Variants in P4HA3 observed in about 807,000 individuals in gnomAD.
P4HA3 encodes prolyl 4-hydroxylase subunit alpha-3.
Under a neutral mutation model 66.7 loss-of-function variants are expected in P4HA3, and 60 were observed. That is an observed-to-expected ratio of 0.90 (90% CI 0.73 to 1.12). P4HA3 has a LOEUF of 1.12. Among genes scored for constraint, P4HA3 ranks in the 50% most tolerant of loss-of-function variants. P4HA3 has a pLI of 0.00. For synonymous variants in P4HA3, 263 were observed against 274.6 expected (o/e 0.96, Z 0.42); for missense variants, 683 against 685.8 (o/e 1.00, Z 0.05).
intron 10 of P4HA3, among the ~76,000 whole-genome samples, chr11:74,272,379 C>T (rs1176381262): frequency 2.6e-5 from 4 of 152,170 alleles, no homozygotes; most frequent in Non-Finnish European, 4.4e-5. Context: ...GCCCTAGATG[C>T]CCTGTTTTTT....
chr11:74,298,184 A>C, intron 4 of P4HA3, 28 bp downstream of exon 4: 1 of 1,606,248 alleles, frequency 6.2e-7, no homozygotes, highest in Non-Finnish European at 8.5e-7. Flanking sequence ...AGTATAATAA[A>C]AGCAGTGAGC....
At position 74,268,213 on chromosome 11, in the gene P4HA3, T is replaced by C. The variant is rs773698582; in HGVS notation, c.1496A>G (p.His499Arg). ...GTCACTGTCCCCTTCACCACTCCTG[T>C]GCAGGTTCCACCAAAACAGTGCTGC... is the stretch of plus-strand genomic sequence containing the variant. ...RNAALFWWNL[H>R]RSGEGDSDTL... The change falls in exon 12 of 13, where the codon CAC (histidine) becomes CGC (arginine). Residue 499 changes from histidine to arginine, a missense_variant. His to Arg is a conservative substitution (Grantham distance 29, BLOSUM62 0). Transcript: ENST00000331597. The C allele has an allele frequency of 6.2e-7, 1 of 1,614,008 alleles. No individual in the cohort carries two copies. The highest frequency in any genetic ancestry group is 1.1e-5 in the South Asian group (1 of 91,048).
At chr11:74,298,448 G>A (rs748652280) in intron 3 of P4HA3, 87 bp from the exon 4 acceptor site, 1 of 1,452,406 alleles carries the variant, frequency 6.9e-7, no homozygotes, top group Non-Finnish European at 9.3e-7. Flanking sequence ...AGGGACTTTG[G>A]AATCCAAGAA....
intron 15 of P4HA3, chr11:74,251,061 A>G: frequency 6.4e-7 from 1 of 1,559,112 alleles, no homozygotes; most frequent in South Asian, 1.2e-5. Context: ...AACTGTGAGA[A>G]TAACCCTGGA....
intron 9 of P4HA3, among the ~76,000 whole-genome samples, chr11:74,274,951 T>A (rs187519064): frequency 1.1e-4 from 17 of 152,312 alleles, no homozygotes; most frequent in African/African-American, 4.1e-4. Context: ...CATCTTTCCA[T>A]ATGTTTCTTA....
intron 4 of P4HA3, among the ~76,000 whole-genome samples, chr11:74,296,885 A>G (rs1861230210): frequency 6.6e-6 from 1 of 150,542 alleles, no homozygotes; most frequent in Admixed American, 6.6e-5. Context: ...ACAGCAATTT[A>G]GCAGGAGAGT....
chr11:74,253,709 C>T (rs1859763005), intron 15 of P4HA3: 5 of 639,544 alleles, frequency 7.8e-6, no homozygotes, highest in South Asian at 7.5e-5. Flanking sequence ...TGACCAACAT[C>T]GGCTTCCCCA....
chr11:74,285,798 A>G lies in P4HA3; in HGVS notation c.1110+11T>C. The G allele has an allele frequency of 6.2e-7, 1 of 1,612,054 alleles. No homozygotes were observed. The highest frequency in any genetic ancestry group is 8.5e-7 in the Non-Finnish European group (1 of 1,178,876). ...AAAGAGAAATTCTTGGCGGGTTCTCAGGACACTCACCCATGGTTCTGCAAG... is the reference window on the plus strand; with the variant it reads ...AAAGAGAAATTCTTGGCGGGTTCTCGGGACACTCACCCATGGTTCTGCAAG... On this transcript the variant is annotated intron_variant, in intron 7 of 12. Coordinates refer to ENST00000331597, the MANE Select transcript of P4HA3 (RefSeq NM_182904.5).
chr11:74,288,948 CAAAAAA>C, intron 5 of P4HA3, 125 bp downstream of exon 5: 6 of 360,866 alleles, frequency 1.7e-5, no homozygotes, highest in African/African-American at 3.1e-5. Flanking sequence ...GATGCCATCT[CAAAAAA>C]AAAAAAAAAA....
At chr11:74,297,680 T>C (rs1470389516) in intron 4 of P4HA3, among the ~76,000 whole-genome samples, 1 of 152,194 alleles carries the variant, frequency 6.6e-6, no homozygotes, top group African/African-American at 2.4e-5. Flanking sequence ...GAGGAGGCAC[T>C]GTGGCTGGTA....
chr11:74,279,984 C>A (rs1403459842), intron 7 of P4HA3, among the ~76,000 whole-genome samples: 1 of 152,158 alleles, frequency 6.6e-6, no homozygotes, highest in African/African-American at 2.4e-5. Flanking sequence ...TTTGCTACAA[C>A]CACTTTTTTA....
rs757473460 is a variant in P4HA3, at chr11:74,279,458, G to T, written c.1111-6C>A. The stretch of plus-strand genomic sequence containing the variant: ...GCCACCACTGACCTCTGTAGCTGGT[G>T]GGAAGAATGTAAGACAAAGTCCAAG... On this transcript the variant is annotated splice_polypyrimidine_tract_variant and splice_region_variant and intron_variant, in intron 7 of 12. Transcript: ENST00000331597. 1 of 1,613,762 alleles carries T rather than the reference G, an allele frequency of 6.2e-7. No homozygotes were observed. Among genetic ancestry groups the T allele is most frequent in the Admixed American group, 1.7e-5 (1 of 59,998 alleles).
chr11:74,292,552 A>G lies in P4HA3; in HGVS notation c.718-3422T>C, dbSNP rs184734762. Among the ~76,000 whole-genome samples, 197 of 152,124 alleles carry G rather than the reference A, an allele frequency of 1.3e-3. 2 individuals carry two copies. Among genetic ancestry groups the G allele is most frequent in the African/African-American group, 4.5e-3 (187 of 41,486 alleles). On this transcript the variant is annotated intron_variant, in intron 4 of 12. Transcript: ENST00000331597. ...ATTGTGATGTTAGGGTGTCAATTTT[A>G]GATCTTTCCTGCTTTCTCTTGTGGG... is the stretch of plus-strand genomic sequence containing the variant.
At chr11:74,273,698 A>G in intron 9 of P4HA3, 91 bp from the exon 10 acceptor site, 1 of 1,027,450 alleles carries the variant, frequency 9.7e-7, no homozygotes, top group Non-Finnish European at 1.3e-6. Flanking sequence ...TAGAAGTAAA[A>G]TGGGGGCATC....
intron 3 of P4HA3, among the ~76,000 whole-genome samples, chr11:74,300,321 A>G (rs1196328508): frequency 6.6e-6 from 1 of 152,248 alleles, no homozygotes; most frequent in Non-Finnish European, 1.5e-5. Flanking sequence ...CGATGATGGA[A>G]TTAGACAATT....
intron 15 of P4HA3, chr11:74,254,489 C>G (rs1565399424): frequency 6.5e-6 from 1 of 152,996 alleles, no homozygotes; most frequent in African/African-American, 2.4e-5. Context: ...TGGCCTGTCC[C>G]TATTGCCCAG....
intron 15 of P4HA3, among the ~76,000 whole-genome samples, chr11:74,252,238 T>TG (rs1565398534): frequency 9.5e-5 from 14 of 148,070 alleles, no homozygotes; most frequent in Middle Eastern, 3.4e-3. Context: ...CGGCTAATTT[T>TG]GTTTTTTTTT....
intron 4 of P4HA3, 28 bp from the exon 5 acceptor site, chr11:74,289,158 A>G (rs757265577): frequency 1.8e-5 from 28 of 1,538,124 alleles, no homozygotes; most frequent in Non-Finnish European, 2.5e-5. Flanking sequence ...AAGAAAAGAA[A>G]GCATTAACTT....
intron 14 of P4HA3, among the ~76,000 whole-genome samples, chr11:74,261,108 A>C (rs144713419): frequency 2.0e-4 from 30 of 152,256 alleles, no homozygotes; most frequent in Admixed American, 7.2e-4. Context: ...AAGAAGAATG[A>C]GGATATGTGA....
Sources: allele counts gnomAD v4.1 joint callset (sites outside exome capture counted in the v4.1 genomes callset), GRCh38; gene constraint gnomAD v4.1.1; transcripts MANE v1.5; gene names NCBI Gene and HGNC (gene_info 2026-07-23, HGNC 2026-07-21).